Variants in SLC10A7 observed in about 807,000 individuals in gnomAD.
SLC10A7 encodes sodium/bile acid cotransporter 7.
In SLC10A7, 29 loss-of-function variants were observed where a neutral mutation model predicts 43.2. The observed-to-expected ratio is 0.67, with a 90% CI of 0.50 to 0.92. The LOEUF (loss-of-function observed/expected upper bound fraction) is 0.92, where lower values mean the gene tolerates loss of function less well. Ranked by LOEUF, SLC10A7 falls within the 40% of genes least tolerant of loss-of-function variation. SLC10A7 has a pLI of 0.00. For missense variants in SLC10A7, 295 were observed against 403.2 expected, an observed-to-expected ratio of 0.73 and a Z score of 2.30; for synonymous variants, 152 against 144.8, an observed-to-expected ratio of 1.05 and a Z score of -0.35.
chr4:146,436,793 C>T (rs1011444113), intron 5 of SLC10A7, among the ~76,000 whole-genome samples: 2 of 152,074 alleles, frequency 1.3e-5, no homozygotes, highest in African/African-American at 2.4e-5. Flanking sequence ...GCCTTGAATA[C>T]GCAGCAGAGG....
chr4:146,350,804 G>A lies in SLC10A7; in HGVS notation c.436-24808C>T, dbSNP rs1250232461. Among the ~76,000 whole-genome samples the A allele has an allele frequency of 2.6e-5, 3 of 113,516 alleles. No homozygotes were observed. In the East Asian group the frequency reaches 7.4e-4, roughly 28 times the overall value. The allele number at this position is 113,516 out of a possible 152,430, so 74.5% of individuals were successfully genotyped here. ...CCTCACACGGCAGGGTATTCCAACA[G>A]ACCTGCAGCTGAGGGTCCTGTCTGT... On this transcript the variant is annotated intron_variant, in intron 5 of 11. Coordinates refer to ENST00000335472, the MANE Select transcript of SLC10A7 (RefSeq NM_001029998.6).
chr4:146,464,833 C>T (rs912574056), intron 4 of SLC10A7, among the ~76,000 whole-genome samples: 10 of 152,072 alleles, frequency 6.6e-5, no homozygotes, highest in South Asian at 2.1e-4. Flanking sequence ...AAGCCACAGA[C>T]GGTATCTTAG....
chr4:146,407,750 C>T (rs890145842), intron 5 of SLC10A7, among the ~76,000 whole-genome samples: 3 of 152,122 alleles, frequency 2.0e-5, no homozygotes, highest in South Asian at 2.1e-4. Context: ...ACAATATGCC[C>T]AATCTAGGAT....
chr4:146,283,744 G>A (rs1193285355), intron 9 of SLC10A7, among the ~76,000 whole-genome samples: 1 of 151,980 alleles, frequency 6.6e-6, no homozygotes, highest in Non-Finnish European at 1.5e-5. Flanking sequence ...ATCATTTTTT[G>A]AGCAGTATCA....
intron 5 of SLC10A7, among the ~76,000 whole-genome samples, chr4:146,440,295 T>C (rs74702310): frequency 9.0e-5 from 5 of 55,732 alleles, no homozygotes; most frequent in Non-Finnish European, 1.4e-4. Flanking sequence ...CTTTTCTTTT[T>C]TTTTTTGAGA....
intron 2 of SLC10A7, chr4:146,514,839 T>C (rs571298077): frequency 8.2e-5 from 29 of 351,910 alleles, no homozygotes; most frequent in Non-Finnish European, 1.2e-4. Flanking sequence ...TTAGAAGTGG[T>C]TTAATATTAC....
At chr4:146,265,294 A>G (rs1026128504) in intron 10 of SLC10A7, among the ~76,000 whole-genome samples, 10 of 152,192 alleles carry the variant, frequency 6.6e-5, no homozygotes, top group Admixed American at 2.6e-4. Context: ...TTTACTTTTA[A>G]TCTCTAAGCT....
chr4:146,284,663 A>G (rs1226193357), intron 9 of SLC10A7, among the ~76,000 whole-genome samples: 1 of 152,212 alleles, frequency 6.6e-6, no homozygotes, highest in Non-Finnish European at 1.5e-5. Context: ...GATGCATATC[A>G]TATACTCTTA....
At chr4:146,283,143 G>A in intron 10 of SLC10A7, 49 bp downstream of exon 10, 2 of 1,368,980 alleles carry the variant, frequency 1.5e-6, no homozygotes, top group Non-Finnish European at 1.0e-6. Flanking sequence ...GTCATAAGAT[G>A]TAACTATATG....
chr4:146,495,686 T>A (rs1735819487), intron 4 of SLC10A7, among the ~76,000 whole-genome samples: 1 of 152,030 alleles, frequency 6.6e-6, no homozygotes, highest in Non-Finnish European at 1.5e-5. Flanking sequence ...CTTCACCACA[T>A]GTGATAATTT....
At chr4:146,329,382 T>C (rs1471880765) in intron 5 of SLC10A7, among the ~76,000 whole-genome samples, 1 of 152,164 alleles carries the variant, frequency 6.6e-6, no homozygotes, top group Non-Finnish European at 1.5e-5. Context: ...AAACTAACAT[T>C]TATGTAGTAC....
chr4:146,461,012 A>G (rs1247911847), intron 4 of SLC10A7, among the ~76,000 whole-genome samples: 5 of 151,996 alleles, frequency 3.3e-5, no homozygotes, highest in African/African-American at 1.2e-4. Flanking sequence ...TTCTGTTACT[A>G]CTTCCTAACT....
chr4:146,341,836 T>C (rs1004459825), intron 5 of SLC10A7, among the ~76,000 whole-genome samples: 2 of 151,858 alleles, frequency 1.3e-5, no homozygotes, highest in African/African-American at 4.8e-5. Context: ...ACAGAAAATA[T>C]TATAAGGAAC....
chr4:146,454,496 C>T (rs1731881476), intron 4 of SLC10A7, among the ~76,000 whole-genome samples: 1 of 151,830 alleles, frequency 6.6e-6, no homozygotes, highest in African/African-American at 2.4e-5. Flanking sequence ...CTATTACATC[C>T]ACACTGTCTG....
chr4:146,286,538 G>C (rs1445704266), intron 9 of SLC10A7, among the ~76,000 whole-genome samples: 7 of 151,608 alleles, frequency 4.6e-5, no homozygotes, highest in East Asian at 3.9e-4. Flanking sequence ...GACTGTGTTT[G>C]GAGTGGTGAG....
At chr4:146,494,133 A>G (rs1468123334) in intron 4 of SLC10A7, among the ~76,000 whole-genome samples, 1 of 152,218 alleles carries the variant, frequency 6.6e-6, no homozygotes, top group Non-Finnish European at 1.5e-5. Flanking sequence ...GTACTTCCAC[A>G]TATCAATGCA....
chr4:146,292,928 C>T lies in SLC10A7; in HGVS notation c.773+1G>A. On this transcript the variant is annotated splice_donor_variant, in intron 9 of 11. Transcript: ENST00000335472. LOFTEE classifies it high-confidence loss of function. ...ATAACAAGAGATACCAAATCACTTACCTTGTTGAAAAGATGAAAGTTAAAA... is the reference window on the plus strand; with the variant it reads ...ATAACAAGAGATACCAAATCACTTATCTTGTTGAAAAGATGAAAGTTAAAA... The T allele has an allele frequency of 2.5e-6, 4 of 1,584,444 alleles. No homozygotes were observed.
At chr4:146,398,753 A>G (rs1739010679) in intron 5 of SLC10A7, among the ~76,000 whole-genome samples, 1 of 152,382 alleles carries the variant, frequency 6.6e-6, no homozygotes, top group Admixed American at 6.5e-5. Context: ...AAAAATAGCC[A>G]AAGTGGGAAA....
At chr4:146,466,722 G>C (rs976411565) in intron 4 of SLC10A7, among the ~76,000 whole-genome samples, 1 of 152,144 alleles carries the variant, frequency 6.6e-6, no homozygotes, top group Admixed American at 6.5e-5. Flanking sequence ...ATAACCCTAT[G>C]AGGTAAGGAT....
Sources: allele counts gnomAD v4.1 joint callset (sites outside exome capture counted in the v4.1 genomes callset), GRCh38; gene constraint gnomAD v4.1.1; transcripts MANE v1.5; gene names NCBI Gene and HGNC (gene_info 2026-07-23, HGNC 2026-07-21).